The following FRMD6 variants were observed in gnomAD, a reference collection of about 807,000 sequenced individuals.
The protein encoded by FRMD6 is FERM domain-containing protein 6.
Under a neutral mutation model 73.2 loss-of-function variants are expected in FRMD6, and 37 were observed. That is an observed-to-expected ratio of 0.51 (90% CI 0.39 to 0.66). The LOEUF is 0.66. FRMD6 is among the 30% of genes least tolerant of loss of function. The pLI is 0.00. For synonymous variants in FRMD6, 273 were observed against 282.2 expected (o/e 0.97, Z 0.33); for missense variants, 714 against 780.5 (o/e 0.91, Z 1.02).
At chr14:51,401,427 C>T in the FRMD6 span, among the ~76,000 whole-genome samples, 2 of 152,168 alleles carry the variant, frequency 1.3e-5, no homozygotes, top group Non-Finnish European at 2.9e-5. Context: ...CGGACACAAA[C>T]AGTTTCCATG....
chr14:51,527,771 T>G (rs1885344077), intron 1 of FRMD6, among the ~76,000 whole-genome samples: 1 of 152,208 alleles, frequency 6.6e-6, no homozygotes, highest in South Asian at 2.1e-4. Context: ...GGAAGGCTGC[T>G]GTACCTTTAT....
the FRMD6 span, among the ~76,000 whole-genome samples, chr14:51,430,000 GATGTACGCCCATTTTAA>G: frequency 2.0e-5 from 3 of 152,106 alleles, no homozygotes; most frequent in East Asian, 5.8e-4. Context: ...ACTTTCTGAG[GATGTACGCCCATTTTAA>G]ATGCATGAAG....
intron 2 of FRMD6, among the ~76,000 whole-genome samples, chr14:51,574,654 G>T (rs921013048): frequency 6.6e-6 from 1 of 152,122 alleles, no homozygotes; most frequent in Non-Finnish European, 1.5e-5. Flanking sequence ...GTAGAATGAT[G>T]GTTACCAGAG....
chr14:51,458,645 G>T, the FRMD6 span, among the ~76,000 whole-genome samples: 1 of 152,184 alleles, frequency 6.6e-6, no homozygotes, highest in Admixed American at 6.5e-5. Context: ...TGAAAATGAA[G>T]AATTGAAAGG....
At chr14:51,628,178 T>TA (rs551567891) in intron 2 of FRMD6, among the ~76,000 whole-genome samples, 3 of 152,270 alleles carry the variant, frequency 2.0e-5, no homozygotes, top group East Asian at 1.9e-4. Context: ...GTATTTGAGC[T>TA]AAAAAAACAG....
chr14:51,452,995 T>C, the FRMD6 span, among the ~76,000 whole-genome samples: 1 of 151,824 alleles, frequency 6.6e-6, no homozygotes, highest in African/African-American at 2.4e-5. Context: ...CTTGAGAAAA[T>C]GGAGACAGTG....
chr14:51,655,575 A>G (rs1034031561), intron 1 of FRMD6, among the ~76,000 whole-genome samples: 6 of 152,208 alleles, frequency 3.9e-5, no homozygotes, highest in Admixed American at 2.0e-4. Flanking sequence ...GTAAGTAGAA[A>G]CAAGTTAAAG....
chr14:51,459,882 C>CTTTTTTTTTTTTTTTTTTTTTTTTTT, the FRMD6 span, among the ~76,000 whole-genome samples: 1 of 23,428 alleles, frequency 4.3e-5, no homozygotes, highest in African/African-American at 2.2e-4. Context: ...ATTACTGACT[C>CTTTTTTTTTTTTTTTTTTTTTTTTTT]TCTTTTTTTT....
the FRMD6 span, among the ~76,000 whole-genome samples, chr14:51,472,508 C>T: frequency 2.0e-5 from 3 of 152,056 alleles, no homozygotes; most frequent in Non-Finnish European, 2.9e-5. Flanking sequence ...TTTCACCGTG[C>T]TAGCCAGGAT....
At chr14:51,408,480 T>C in the FRMD6 span, among the ~76,000 whole-genome samples, 1 of 152,224 alleles carries the variant, frequency 6.6e-6, no homozygotes, top group Non-Finnish European at 1.5e-5. Flanking sequence ...TTTATTTCTA[T>C]ATGTTGTATT....
intron 1 of FRMD6, among the ~76,000 whole-genome samples, chr14:51,687,186 A>T (rs1895223782): frequency 6.6e-6 from 1 of 152,206 alleles, no homozygotes; most frequent in Admixed American, 6.6e-5. Context: ...ACAGCTCAGA[A>T]GATATTTTTT....
chr14:51,699,070 CAAT>C (rs1325006639), intron 3 of FRMD6, among the ~76,000 whole-genome samples: 1 of 151,982 alleles, frequency 6.6e-6, no homozygotes, highest in East Asian at 1.9e-4. Flanking sequence ...CTGGTCAATA[CAAT>C]AATATGTTTA....
At chr14:51,532,099 T>G (rs1237236468) in intron 1 of FRMD6, among the ~76,000 whole-genome samples, 1 of 152,236 alleles carries the variant, frequency 6.6e-6, no homozygotes, top group Non-Finnish European at 1.5e-5. Context: ...CCAGGCGTGG[T>G]GGCTCACGCC....
intron 1 of FRMD6, among the ~76,000 whole-genome samples, chr14:51,658,992 T>C (rs1281053466): frequency 6.6e-6 from 1 of 152,190 alleles, no homozygotes; most frequent in Non-Finnish European, 1.5e-5. Context: ...GTAAAAAATA[T>C]GCTGACCATA....
chr14:51,514,494 C>G (rs199718199), intron 1 of FRMD6, among the ~76,000 whole-genome samples: 1 of 151,978 alleles, frequency 6.6e-6, no homozygotes, highest in East Asian at 1.9e-4. Flanking sequence ...GCACATGTAT[C>G]CCAGAACTTA....
Position 51,689,783 on chromosome 14 carries a change from G to A in FRMD6, c.-54G>A. On this transcript the variant is annotated 5_prime_UTR_variant, in exon 2 of 14. Transcript: ENST00000344768. ...TGGCTTTGGAGTGCTGGGAACCTGAGGAATTGCCAAGGACCCAGAGCCCAG... is the reference window on the plus strand; with the variant it reads ...TGGCTTTGGAGTGCTGGGAACCTGAAGAATTGCCAAGGACCCAGAGCCCAG... 1 of 1,029,462 alleles carries A rather than the reference G, an allele frequency of 9.7e-7. No individual in the cohort carries two copies. Among genetic ancestry groups the A allele is most frequent in the Non-Finnish European group, 1.5e-6 (1 of 647,824 alleles). The allele number at this position is 1,029,462 out of a possible 1,614,324, so 63.8% of individuals were successfully genotyped here. A position where few individuals can be genotyped will look rare whatever the true frequency, so the allele number is the denominator to read the frequency against.
the FRMD6 span, among the ~76,000 whole-genome samples, chr14:51,399,683 G>C: frequency 7.9e-5 from 12 of 152,152 alleles, no homozygotes; most frequent in East Asian, 2.3e-3. Flanking sequence ...TACATAAGTG[G>C]GTGCTTCCAA....
the FRMD6 span, among the ~76,000 whole-genome samples, chr14:51,396,743 T>A: frequency 6.6e-6 from 1 of 152,248 alleles, no homozygotes; most frequent in South Asian, 2.1e-4. Context: ...AATCTCATGT[T>A]TGGGGAGTCT....
At chr14:51,615,243 G>C (rs1248158101) in intron 2 of FRMD6, among the ~76,000 whole-genome samples, 1 of 152,174 alleles carries the variant, frequency 6.6e-6, no homozygotes, top group African/African-American at 2.4e-5. Flanking sequence ...AGCATTGACT[G>C]TGTTAGGATA....
Sources: gnomAD v4.1 joint callset for allele counts (sites outside exome capture counted in the v4.1 genomes callset) on GRCh38, gnomAD v4.1.1 for gene constraint, MANE v1.5 for transcripts, NCBI Gene and HGNC (gene_info 2026-07-23, HGNC 2026-07-21) for gene names.